Variants in GOLGA3 observed in about 807,000 individuals in gnomAD.
The protein encoded by GOLGA3 is golgin subfamily A member 3.
In GOLGA3, 75 loss-of-function variants were observed where a neutral mutation model predicts 169.4. The observed-to-expected ratio is 0.44, with a 90% confidence interval of 0.37 to 0.54. GOLGA3 has a LOEUF of 0.54. Among genes scored for constraint, GOLGA3 ranks in the 20% least tolerant of loss-of-function variants. The pLI, the probability that GOLGA3 is intolerant of heterozygous loss-of-function variation, is 0.00. For synonymous variants in GOLGA3, 824 were observed against 822.4 expected, an observed-to-expected ratio of 1.00 and a Z score of -0.03; for missense variants, 1,899 against 1,930.0, an observed-to-expected ratio of 0.98 and a Z score of 0.30.
At chr12:132,803,240 G>A (rs1278030180) in intron 7 of GOLGA3, among the ~76,000 whole-genome samples, 4 of 152,156 alleles carry the variant, frequency 2.6e-5, no homozygotes, top group East Asian at 1.9e-4. Flanking sequence ...CCTCCTCAGC[G>A]GGCGCCTAGG....
chr12:132,821,332 G>A (rs1268732756), intron 2 of GOLGA3, among the ~76,000 whole-genome samples: 3 of 151,300 alleles, frequency 2.0e-5, no homozygotes, highest in Non-Finnish European at 4.4e-5. Context: ...GCTTGAACCC[G>A]GGAAGTGGAG....
chr12:132,791,422 G>A (rs1345988318), intron 11 of GOLGA3, 129 bp from the exon 12 acceptor site: 4 of 589,678 alleles, frequency 6.8e-6, no homozygotes, highest in African/African-American at 1.9e-5. Flanking sequence ...CTCCAGGAGG[G>A]GACACATCCT....
At position 132,789,091 on chromosome 12, in the gene GOLGA3, G is replaced by T. The variant is rs754768588; in HGVS notation, c.2747C>A (p.Ala916Glu). Residue 916 changes from alanine (A) to glutamate (E), a missense_variant, in exon 13 of 24, where the codon GCG becomes GAG. Physicochemically the swap from Ala to Glu is moderately radical, Grantham distance 107. Coordinates refer to ENST00000450791, the MANE Select transcript of GOLGA3 (RefSeq NM_001389683.1). ...REVAQVRQHM[A>E]DLEGHLQSAQ... ...CGACTGGAGATGCCCTTCAAGGTCC[G>T]CCATGTGCTGACGGACCTGGGCCAC... The T allele has an allele frequency of 6.2e-7, 1 of 1,612,790 alleles. No homozygotes were observed. Among genetic ancestry groups the T allele is most frequent in the East Asian group, 2.2e-5 (1 of 44,864 alleles).
intron 2 of GOLGA3, among the ~76,000 whole-genome samples, chr12:132,819,329 A>T (rs1950116132): frequency 6.6e-6 from 1 of 151,938 alleles, no homozygotes; most frequent in Non-Finnish European, 1.5e-5. Flanking sequence ...GGAGATCGAG[A>T]CTATCCTGGC....
chr12:132,816,725 G>T lies in GOLGA3; in HGVS notation c.221C>A (p.Pro74His). The T allele has an allele frequency of 1.2e-6, 2 of 1,614,082 alleles. No individual in the cohort carries two copies. The highest frequency in any genetic ancestry group is 1.7e-6 in the Non-Finnish European group (2 of 1,179,970). Reference sequence around the variant, plus strand: ...GAGAGACGACGGAGGGTCTGGGAAGGGTGGCGTTGGCCCGTTCTGACAGAG... The same window carrying T: ...GAGAGACGACGGAGGGTCTGGGAAGTGTGGCGTTGGCCCGTTCTGACAGAG... Reference protein sequence around the residue: ...GGLCQNGPTPPFPDPPSSLDP... With the variant: ...GGLCQNGPTPHFPDPPSSLDP... Residue 74 changes from proline to histidine, a missense_variant, in exon 3 of 24, where the codon CCC (proline) becomes CAC (histidine). By Grantham distance (77) the Pro-to-His change is moderately conservative. Transcript: ENST00000450791.
At chr12:132,818,603 C>T (rs892425621) in intron 2 of GOLGA3, among the ~76,000 whole-genome samples, 2 of 152,180 alleles carry the variant, frequency 1.3e-5, no homozygotes, top group Non-Finnish European at 2.9e-5. Flanking sequence ...TTATGAAAGT[C>T]GCCAGTTTAA....
At chr12:132,809,399 C>T (rs1385769680) in intron 4 of GOLGA3, among the ~76,000 whole-genome samples, 2 of 152,176 alleles carry the variant, frequency 1.3e-5, no homozygotes, top group African/African-American at 2.4e-5. Context: ...CTTCTCTAAA[C>T]TCCCCCGGGG....
intron 8 of GOLGA3, among the ~76,000 whole-genome samples, chr12:132,798,959 C>T (rs1949004007): frequency 6.6e-6 from 1 of 152,208 alleles, no homozygotes; most frequent in Non-Finnish European, 1.5e-5. Flanking sequence ...GGTGCTCAGG[C>T]CCACGCTGGC....
At chr12:132,808,898 G>A (rs1048545291) in intron 4 of GOLGA3, among the ~76,000 whole-genome samples, 1 of 152,208 alleles carries the variant, frequency 6.6e-6, no homozygotes, top group East Asian at 1.9e-4. Flanking sequence ...TGTGTGCGGC[G>A]ACGAGAGTGT....
At chr12:132,795,647 G>A (rs1271475245) in intron 11 of GOLGA3, among the ~76,000 whole-genome samples, 1 of 152,164 alleles carries the variant, frequency 6.6e-6, no homozygotes, top group Non-Finnish European at 1.5e-5. Context: ...TGTAATCCCA[G>A]CTACTCAGGA....
intron 4 of GOLGA3, among the ~76,000 whole-genome samples, chr12:132,810,725 T>C (rs1949663027): frequency 6.6e-6 from 1 of 152,126 alleles, no homozygotes; most frequent in Admixed American, 6.5e-5. Context: ...GGTCTAGCGG[T>C]AGCATCAGTG....
At position 132,789,276 on chromosome 12, in the gene GOLGA3, G is replaced by A; in HGVS notation, c.2562C>T (p.Ala854=). 6.3e-7 allele frequency: 1 copy of A among 1,596,530 alleles called. No individual in the cohort carries two copies. Among genetic ancestry groups the A allele is most frequent in the Non-Finnish European group, 8.5e-7 (1 of 1,176,284 alleles). ...CTTTGGAGGTGGCGTCGCGCCGGTA[G>A]GCCTCCACCATCACCTGCCAAAGAC... ...QFLQQKVMVE[A]YRRDATSKDQ... The change falls in exon 13 of 24, where the codon GCC becomes GCT. Residue 854 remains alanine (A), a synonymous_variant. Coordinates refer to ENST00000450791, the MANE Select transcript of GOLGA3 (RefSeq NM_001389683.1).
chr12:132,825,887 A>T, intron 1 of GOLGA3: 2 of 964,258 alleles, frequency 2.1e-6, no homozygotes, highest in Non-Finnish European at 3.4e-6. Context: ...ATGCCCCTTC[A>T]CTGGTGATGT....
chr12:132,786,663 C>CG, intron 14 of GOLGA3, 30 bp downstream of exon 14: 1 of 1,532,858 alleles, frequency 6.5e-7, no homozygotes, highest in Non-Finnish European at 9.0e-7. Flanking sequence ...ACCTGGCCCC[C>CG]GCACCTCCCC....
intron 6 of GOLGA3, 140 bp from the exon 7 acceptor site, chr12:132,805,162 C>CA: frequency 1.1e-6 from 1 of 889,728 alleles, no homozygotes; most frequent in East Asian, 2.7e-5. Context: ...CAAGGCCTGA[C>CA]AGAGGACCCC....
chr12:132,828,119 G>C (rs555972263), intron 1 of GOLGA3, among the ~76,000 whole-genome samples: 1 of 152,204 alleles, frequency 6.6e-6, no homozygotes, highest in East Asian at 1.9e-4. Context: ...ATTTTGCCTG[G>C]CTTGCTTCTC....
intron 15 of GOLGA3, 100 bp downstream of exon 15, chr12:132,786,239 C>T (rs2045891498): frequency 1.2e-6 from 1 of 804,534 alleles, no homozygotes; most frequent in African/African-American, 1.7e-5. Flanking sequence ...CCCACGCGAG[C>T]TCGGCCCCGC....
At chr12:132,821,871 AAAAC>A in intron 2 of GOLGA3, 121 bp downstream of exon 2, 9 of 668,912 alleles carry the variant, frequency 1.3e-5, no homozygotes, top group South Asian at 4.5e-5. Flanking sequence ...AAAAAAAAAA[AAAAC>A]AACTTTGAAT....
At chr12:132,784,050 A>G (rs2045761376) in intron 16 of GOLGA3, 114 bp downstream of exon 16, 18 of 1,544,088 alleles carry the variant, frequency 1.2e-5, no homozygotes, top group Non-Finnish European at 1.1e-5. Flanking sequence ...CACCAAAAGT[A>G]GCAACGCTGG....
Sources: gnomAD v4.1 joint callset for allele counts (sites outside exome capture counted in the v4.1 genomes callset) on GRCh38, gnomAD v4.1.1 for gene constraint, MANE v1.5 for transcripts, NCBI Gene and HGNC (gene_info 2026-07-23, HGNC 2026-07-21) for gene names.